CTNNA2: variants seen among roughly 807,000 people sequenced by gnomAD.
The protein encoded by CTNNA2 is catenin alpha 2, also known as catenin alpha-2.
CTNNA2 carries 42 observed loss-of-function variants against 101.0 expected under a neutral mutation model. That is an observed-to-expected ratio of 0.42 (90% CI 0.32 to 0.54). The LOEUF (loss-of-function observed/expected upper bound fraction) is 0.54, where lower values mean the gene tolerates loss of function less well. Ranked by LOEUF, CTNNA2 falls within the 20% of genes least tolerant of loss-of-function variation. CTNNA2 has a pLI of 0.14. For synonymous variants in CTNNA2, 450 were observed against 456.4 expected (o/e 0.99, Z 0.18); for missense variants, 871 against 1,223.1 (o/e 0.71, Z 4.29).
chr2:79,364,103 T>C (rs1240423466), intron 3 of CTNNA2, among the ~76,000 whole-genome samples: 1 of 152,096 alleles, frequency 6.6e-6, no homozygotes, highest in African/African-American at 2.4e-5. Flanking sequence ...TGTCAGGTCT[T>C]GGAGGAAAAA....
intron 7 of CTNNA2, among the ~76,000 whole-genome samples, chr2:80,362,453 T>C (rs1465951708): frequency 6.6e-6 from 1 of 152,162 alleles, no homozygotes; most frequent in Non-Finnish European, 1.5e-5. Context: ...CTCAATCTTC[T>C]TGAATCTTTT....
chr2:80,141,861 T>C (rs1703031843), intron 7 of CTNNA2, among the ~76,000 whole-genome samples: 1 of 151,874 alleles, frequency 6.6e-6, no homozygotes. Flanking sequence ...TAGCATTTTT[T>C]TTTTTTTTTT....
intron 7 of CTNNA2, among the ~76,000 whole-genome samples, chr2:80,325,219 C>T (rs1679133140): frequency 6.6e-6 from 1 of 152,114 alleles, no homozygotes. Flanking sequence ...AAGAATCACT[C>T]TAGGCTGAAG....
intron 7 of CTNNA2, among the ~76,000 whole-genome samples, chr2:80,283,553 C>T (rs1220241436): frequency 6.6e-6 from 1 of 152,076 alleles, no homozygotes; most frequent in Non-Finnish European, 1.5e-5. Flanking sequence ...TGAGATAGAA[C>T]CTGAATGTGT....
intron 7 of CTNNA2, among the ~76,000 whole-genome samples, chr2:80,017,047 A>G (rs1190984117): frequency 6.6e-6 from 1 of 152,208 alleles, no homozygotes. Flanking sequence ...CTAAAAGCCT[A>G]CAAGGCAAAA....
chr2:79,382,699 T>C (rs1232318462), intron 4 of CTNNA2, among the ~76,000 whole-genome samples: 7 of 152,190 alleles, frequency 4.6e-5, no homozygotes, highest in Non-Finnish European at 5.9e-5. Flanking sequence ...CTGCAAGCTC[T>C]GCCTCCCGGG....
intron 9 of CTNNA2, among the ~76,000 whole-genome samples, chr2:80,434,983 C>G (rs1681905468): frequency 6.6e-6 from 1 of 151,996 alleles, no homozygotes; most frequent in Admixed American, 6.6e-5. Flanking sequence ...TATTGTGTAT[C>G]AGGGTTTCTC....
intron 2 of CTNNA2, among the ~76,000 whole-genome samples, chr2:79,297,050 A>T (rs1267522298): frequency 6.6e-6 from 1 of 152,100 alleles, no homozygotes. Context: ...CCCATGTATC[A>T]TTGATACTGA....
chr2:79,642,215 C>A (rs1252230897), intron 1 of CTNNA2, among the ~76,000 whole-genome samples: 11 of 152,158 alleles, frequency 7.2e-5, no homozygotes, highest in Non-Finnish European at 1.6e-4. Flanking sequence ...AGCAGCACTT[C>A]TTTGAGTGTT....
rs117382349 is a variant in CTNNA2, at chr2:79,903,263, A to C, written c.853-6331A>C. Among the ~76,000 whole-genome samples, 97 of 151,974 alleles carry C rather than the reference A, an allele frequency of 6.4e-4. No individual in the cohort carries two copies. The East Asian group carries it at 0.018, about 29-fold the overall frequency. On this transcript the variant is annotated intron_variant, in intron 6 of 18. Coordinates refer to ENST00000402739, the MANE Select transcript of CTNNA2 (RefSeq NM_001282597.3). ...TTCTTAAATTCATTACCTTCTCTTTATCCATATAGACACAATCCTGATTTG... is the reference window on the plus strand; with the variant it reads ...TTCTTAAATTCATTACCTTCTCTTTCTCCATATAGACACAATCCTGATTTG...
chr2:79,792,123 A>G (rs1675318271), intron 3 of CTNNA2, among the ~76,000 whole-genome samples: 1 of 152,182 alleles, frequency 6.6e-6, no homozygotes, highest in South Asian at 2.1e-4. Flanking sequence ...AGCTCTGGAA[A>G]TATAGCCGTG....
In CTNNA2 at chr2:80,097,157, T is replaced by C. The variant is rs533458054; in HGVS notation, c.1056+187360T>C. Reference sequence around the variant, plus strand: ...AAGTGGCTGGTACCGGTTGTTCCTTTCCATGTTTAGTGCTTCCTTCATGAG... The same window carrying C: ...AAGTGGCTGGTACCGGTTGTTCCTTCCCATGTTTAGTGCTTCCTTCATGAG... On this transcript the variant is annotated intron_variant, in intron 7 of 18. Coordinates refer to ENST00000402739, the MANE Select transcript of CTNNA2 (RefSeq NM_001282597.3). 2.0e-5 allele frequency among the ~76,000 whole-genome samples: 3 copies of C among 152,338 alleles called. No individual in the cohort carries two copies. The South Asian group carries it at 6.2e-4, about 32-fold the overall frequency.
At chr2:80,395,449 G>A (rs1386848328) in intron 8 of CTNNA2, among the ~76,000 whole-genome samples, 3 of 152,110 alleles carry the variant, frequency 2.0e-5, no homozygotes, top group Non-Finnish European at 4.4e-5. Flanking sequence ...TTTCATCCCT[G>A]CCCATATGTT....
chr2:80,302,641 CG>C lies in CTNNA2; in HGVS notation c.1057-90569del. On this transcript the variant is annotated intron_variant, in intron 7 of 18. Transcript: ENST00000402739. The surrounding 1 kb of genome is among the most constrained non-coding windows in gnomAD (Gnocchi z 6.4). ...GCTGCCCCTCCCCGCCGTCCGCGAG[CG>C]TGGTGGCCGAGCTGGCAGGGGGCCC... is the stretch of plus-strand genomic sequence containing the variant. 6.2e-7 allele frequency: 1 copy of C among 1,607,740 alleles called. No individual in the cohort carries two copies. Among genetic ancestry groups the C allele is most frequent in the African/African-American group, 1.3e-5 (1 of 74,996 alleles).
chr2:79,774,140 C>T (rs867075929), intron 3 of CTNNA2, among the ~76,000 whole-genome samples: 2 of 152,178 alleles, frequency 1.3e-5, no homozygotes, highest in South Asian at 4.1e-4. Context: ...GAGTTTTGCA[C>T]CCGGGCCTCA....
intron 2 of CTNNA2, among the ~76,000 whole-genome samples, chr2:79,288,189 T>A (rs1010063749): frequency 6.6e-6 from 1 of 152,228 alleles, no homozygotes; most frequent in African/African-American, 2.4e-5. Context: ...CACATGGAAA[T>A]GCAGAAATCA....
intron 18 of CTNNA2, among the ~76,000 whole-genome samples, chr2:80,622,948 T>A (rs2149810992): frequency 6.6e-6 from 1 of 151,248 alleles, no homozygotes; most frequent in East Asian, 2.0e-4. Context: ...ATTTGTTTTC[T>A]CAGGAAATCA....
chr2:79,800,076 C>A (rs1319453724), intron 3 of CTNNA2, among the ~76,000 whole-genome samples: 1 of 152,094 alleles, frequency 6.6e-6, no homozygotes, highest in Non-Finnish European at 1.5e-5. Context: ...TAATCTGTAA[C>A]TTATGTCACT....
At chr2:80,378,329 C>G (rs1298267888) in intron 7 of CTNNA2, among the ~76,000 whole-genome samples, 1 of 151,002 alleles carries the variant, frequency 6.6e-6, no homozygotes, top group African/African-American at 2.4e-5. Flanking sequence ...GTACTCCAGC[C>G]TGGGCAACAA....
Sources: allele counts gnomAD v4.1 joint callset (sites outside exome capture counted in the v4.1 genomes callset), GRCh38; gene constraint gnomAD v4.1.1; non-coding constraint Gnocchi (gnomAD v3.1); transcripts MANE v1.5; gene names NCBI Gene and HGNC (gene_info 2026-07-23, HGNC 2026-07-21).